RPS6KA6: variants seen among roughly 807,000 people sequenced by gnomAD.
The protein encoded by RPS6KA6 is ribosomal protein S6 kinase A6, also known as ribosomal protein S6 kinase alpha-6.
Under a neutral mutation model 65.4 loss-of-function variants are expected in RPS6KA6, and 27 were observed. The ratio of observed to expected loss-of-function variants is 0.41; its 90% CI spans 0.30 to 0.57. The LOEUF (loss-of-function observed/expected upper bound fraction) is 0.57. RPS6KA6 is among the 20% of genes least tolerant of loss of function. RPS6KA6 has a pLI of 0.24. For missense variants in RPS6KA6, 486 were observed against 555.6 expected (o/e 0.87, Z 1.26); for synonymous variants, 190 against 184.2 (o/e 1.03, Z -0.26).
At chrX:84,091,288 A>ACTTGCTG (rs936533460) in intron 20 of RPS6KA6, among the ~76,000 whole-genome samples, 3 of 112,758 alleles carry the variant, frequency 2.7e-5, no homozygotes, top group African/African-American at 9.7e-5. Flanking sequence ...TATCAAAAAC[A>ACTTGCTG]CTTGCTGTGT....
intron 16 of RPS6KA6, 145 bp from the exon 17 acceptor site, chrX:84,104,802 G>A: frequency 2.9e-6 from 1 of 350,866 alleles, no homozygotes; most frequent in Non-Finnish European, 4.7e-6. Context: ...TACTCTTAAT[G>A]CAGTACAGGC....
At chrX:84,090,468 G>A (rs2034020937) in intron 20 of RPS6KA6, among the ~76,000 whole-genome samples, 1 of 109,000 alleles carries the variant, frequency 9.2e-6, no homozygotes, top group African/African-American at 3.3e-5. Context: ...TAATGTATTA[G>A]TCCATTCTCA....
At chrX:84,138,301 A>G (rs973377916) in intron 6 of RPS6KA6, among the ~76,000 whole-genome samples, 2 of 111,251 alleles carry the variant, frequency 1.8e-5, no homozygotes, top group Admixed American at 1.9e-4. Flanking sequence ...GTTTTAAACA[A>G]GAGAATTTGG....
chrX:84,114,850 C>G (rs1274755290), intron 12 of RPS6KA6, among the ~76,000 whole-genome samples: 2 of 111,759 alleles, frequency 1.8e-5, no homozygotes, highest in African/African-American at 6.5e-5. Flanking sequence ...CAACAATAAA[C>G]AATGAGGAGA....
chrX:84,152,996 A>G (rs932466526), intron 3 of RPS6KA6, among the ~76,000 whole-genome samples: 3 of 111,645 alleles, frequency 2.7e-5, no homozygotes, highest in African/African-American at 9.7e-5. Flanking sequence ...AGTTACTCCA[A>G]TATAATTTTC....
chrX:84,157,931 G>A (rs1425133510), intron 2 of RPS6KA6, among the ~76,000 whole-genome samples: 1 of 108,978 alleles, frequency 9.2e-6, no homozygotes, highest in Non-Finnish European at 1.9e-5. Context: ...ATTTTCAGCA[G>A]CAGTACTCTA....
chrX:84,117,265 A>C, intron 10 of RPS6KA6, 117 bp from the exon 11 acceptor site: 1 of 645,147 alleles, frequency 1.6e-6, no homozygotes, highest in Non-Finnish European at 2.3e-6. Flanking sequence ...TATATGGTAG[A>C]AGGGAACAAG....
chrX:84,187,487 G>A, intron 1 of RPS6KA6: 2 of 195,117 alleles, frequency 1.0e-5, no homozygotes, highest in Non-Finnish European at 1.9e-5. Flanking sequence ...AAAGGGACGC[G>A]CGGAGTCAGG....
intron 12 of RPS6KA6, among the ~76,000 whole-genome samples, chrX:84,115,969 T>C (rs1324605084): frequency 9.0e-6 from 1 of 111,100 alleles, no homozygotes; most frequent in Non-Finnish European, 1.9e-5. Flanking sequence ...TAAAAGGGAA[T>C]TGAGGGTTGA....
intron 21 of RPS6KA6, 22 bp downstream of exon 21, chrX:84,064,949 C>T (rs377421367): frequency 1.0e-5 from 12 of 1,189,638 alleles, no homozygotes; most frequent in Non-Finnish European, 1.3e-5. Flanking sequence ...CTCGAAGGCA[C>T]ATAAAAGTAT....
chrX:84,186,145 T>C, intron 1 of RPS6KA6: 1 of 510,458 alleles, frequency 2.0e-6, no homozygotes, highest in Non-Finnish European at 3.5e-6. Context: ...GACCCATTGT[T>C]AAATCTCTAC....
chrX:84,161,909 T>C (rs1342260650), intron 2 of RPS6KA6, among the ~76,000 whole-genome samples: 2 of 111,978 alleles, frequency 1.8e-5, no homozygotes, highest in Non-Finnish European at 3.8e-5. Context: ...ATTTTTAAGA[T>C]ATTGATAGCA....
intron 20 of RPS6KA6, among the ~76,000 whole-genome samples, chrX:84,089,218 G>T (rs888880976): frequency 6.2e-5 from 7 of 112,274 alleles, no homozygotes; most frequent in African/African-American, 2.3e-4. Context: ...CGTCTGGACT[G>T]CCTGGACTCC....
In RPS6KA6 at chrX:84,059,433, G is replaced by A. The variant is rs950653814; in HGVS notation, c.*4844C>T. 7.2e-5 allele frequency: 8 copies of A among 111,184 alleles called. No homozygotes were observed. The highest frequency in any genetic ancestry group is 9.4e-5 in the Non-Finnish European group (5 of 53,034). The allele number at this position is 111,184 out of a possible 1,213,427, so 9.2% of individuals were successfully genotyped here. ...CATGAGCCACTGTGCCCGGCCGGCT[G>A]TTTCTTGATAGACTGCTTTCCTGCT... is the stretch of plus-strand genomic sequence containing the variant. On this transcript the variant is annotated 3_prime_UTR_variant, in exon 22 of 22. Coordinates refer to ENST00000262752, the MANE Select transcript of RPS6KA6 (RefSeq NM_014496.5).
intron 18 of RPS6KA6, among the ~76,000 whole-genome samples, chrX:84,098,053 A>C (rs111330398): frequency 0.061 from 6,802 of 110,940 alleles, 228 homozygotes; most frequent in East Asian, 0.2. Context: ...GAGAAATCTA[A>C]ACTTAAGATT....
chrX:84,109,234 A>G (rs760763040), intron 12 of RPS6KA6, among the ~76,000 whole-genome samples: 2 of 112,233 alleles, frequency 1.8e-5, no homozygotes, highest in Admixed American at 1.9e-4. Flanking sequence ...CCCCAGTGAA[A>G]GGCCAGCAGC....
At chrX:84,068,153 C>G (rs1330583186) in intron 20 of RPS6KA6, among the ~76,000 whole-genome samples, 2 of 111,354 alleles carry the variant, frequency 1.8e-5, no homozygotes, top group African/African-American at 6.5e-5. Context: ...TGGTACCAGC[C>G]ACTGCAAAAA....
chrX:84,165,851 T>C (rs923734905), intron 1 of RPS6KA6, among the ~76,000 whole-genome samples: 2 of 111,382 alleles, frequency 1.8e-5, no homozygotes, highest in African/African-American at 6.5e-5. Flanking sequence ...TATTCCAGCA[T>C]AAAAAGCTAA....
At chrX:84,184,829 CAAAA>C (rs11445430) in intron 1 of RPS6KA6, among the ~76,000 whole-genome samples, 2 of 20,056 alleles carry the variant, frequency 1.0e-4, no homozygotes, top group African/African-American at 3.7e-4. Flanking sequence ...GACCCTGACT[CAAAA>C]AAAAAAAAAA....
Sources: allele counts gnomAD v4.1 joint callset (sites outside exome capture counted in the v4.1 genomes callset), GRCh38; gene constraint gnomAD v4.1.1; transcripts MANE v1.5; gene names NCBI Gene and HGNC (gene_info 2026-07-23, HGNC 2026-07-21).